The following PCDHGA6 variants were observed in gnomAD, a reference collection of about 807,000 sequenced individuals.
PCDHGA6 encodes protocadherin gamma subfamily A, 6, also known as protocadherin gamma-A6.
A neutral mutation model predicts 60.6 loss-of-function variants in PCDHGA6; 41 were observed. The ratio of observed to expected loss-of-function variants is 0.68; its 90% CI spans 0.53 to 0.88. The LOEUF (loss-of-function observed/expected upper bound fraction) is 0.88, where lower values mean the gene tolerates loss of function less well. Ranked by LOEUF, PCDHGA6 falls within the 40% of genes least tolerant of loss-of-function variation. The pLI, the probability that PCDHGA6 is intolerant of heterozygous loss-of-function variation, is 0.00. For synonymous variants in PCDHGA6, 594 were observed against 524.4 expected, an observed-to-expected ratio of 1.13 and a Z score of -1.81; for missense variants, 1,312 against 1,203.0, an observed-to-expected ratio of 1.09 and a Z score of -1.34.
chr5:141,388,923 T>C (rs374663443), intron 1 of PCDHGA6: 7 of 1,614,002 alleles, frequency 4.3e-6, no homozygotes, highest in East Asian at 2.2e-5. Context: ...AGAAGTGATA[T>C]TCCAGTCTCT....
intron 2 of PCDHGA6, among the ~76,000 whole-genome samples, chr5:141,499,800 C>A (rs2099794584): frequency 6.6e-6 from 1 of 150,704 alleles, no homozygotes; most frequent in Admixed American, 6.7e-5. Context: ...AATTCTCATG[C>A]TTCAGCCTCC....
chr5:141,401,320 C>A (rs1420214369), intron 1 of PCDHGA6, among the ~76,000 whole-genome samples: 1 of 151,626 alleles, frequency 6.6e-6, no homozygotes, highest in East Asian at 1.9e-4. Flanking sequence ...CCAGCCTGGG[C>A]AACAAGAGCA....
At chr5:141,478,020 A>G (rs1315422039) in intron 1 of PCDHGA6, 2 of 1,613,976 alleles carry the variant, frequency 1.2e-6, no homozygotes, top group Non-Finnish European at 1.7e-6. Flanking sequence ...CGTCCAGTCC[A>G]AGACACAGAT....
chr5:141,392,869 T>G, intron 1 of PCDHGA6: 4 of 1,613,228 alleles, frequency 2.5e-6, no homozygotes, highest in Non-Finnish European at 3.4e-6. Flanking sequence ...CTGTGCGCGC[T>G]GCTGGGAACG....
At chr5:141,452,412 T>G (rs1009940351) in intron 1 of PCDHGA6, among the ~76,000 whole-genome samples, 2 of 152,222 alleles carry the variant, frequency 1.3e-5, no homozygotes, top group Non-Finnish European at 2.9e-5. Context: ...GTGTGAGGTA[T>G]GCTCACTGCT....
chr5:141,511,450 C>A lies in PCDHGA6; in HGVS notation c.*277C>A. Reference sequence around the variant, plus strand: ...TGGGGTTACTGTAGACACCAAGAACCATTTGCCACACCCCGTTTAGTTACA... The same window carrying A: ...TGGGGTTACTGTAGACACCAAGAACAATTTGCCACACCCCGTTTAGTTACA... On this transcript the variant is annotated 3_prime_UTR_variant, in exon 4 of 4. Transcript: ENST00000517434. The A allele has an allele frequency of 3.3e-6, 2 of 615,088 alleles. No homozygotes were observed. The highest frequency in any genetic ancestry group is 6.8e-5 in the East Asian group (2 of 29,272). The allele number at this position is 615,088 out of a possible 1,614,324, so 38.1% of individuals were successfully genotyped here.
chr5:141,413,570 A>G, intron 1 of PCDHGA6: 1 of 1,613,930 alleles, frequency 6.2e-7, no homozygotes, highest in Non-Finnish European at 8.5e-7. Context: ...GATATCAATG[A>G]CAATGCTCCA....
At position 141,413,561 on chromosome 5, in the gene PCDHGA6, AT is replaced by A. The variant is rs1363955348; in HGVS notation, c.2424+37055del. The stretch of plus-strand genomic sequence containing the variant: ...TTTGGGATAGAAATAGAAGTAACTG[AT>A]ATCAATGACAATGCTCCAAAATTCC... On this transcript the variant is annotated intron_variant, in intron 1 of 3. Coordinates refer to ENST00000517434, the MANE Select transcript of PCDHGA6 (RefSeq NM_018919.3). The A allele has an allele frequency of 6.2e-6, 10 of 1,613,806 alleles. No individual in the cohort carries two copies. In the Admixed American group the frequency reaches 1.3e-4, roughly 22 times the overall value.
chr5:141,414,778 C>T (rs1346896593), intron 1 of PCDHGA6: 12 of 1,614,202 alleles, frequency 7.4e-6, no homozygotes, highest in Non-Finnish European at 1.0e-5. Context: ...GCTACAGATG[C>T]AGGTGACAGC....
chr5:141,390,158 A>G, intron 1 of PCDHGA6: 1 of 1,614,042 alleles, frequency 6.2e-7, no homozygotes, highest in Non-Finnish European at 8.5e-7. Context: ...CACATACAGG[A>G]AAGACGGAGT....
In PCDHGA6 at chr5:141,409,971, A is replaced by G. The variant is rs758876775; in HGVS notation, c.2424+33464A>G. On this transcript the variant is annotated intron_variant, in intron 1 of 3. Coordinates refer to ENST00000517434, the MANE Select transcript of PCDHGA6 (RefSeq NM_018919.3). ...GCAGAGCCCGGCTACCTAGTGACTAAGGTGGTAGCGGTGGACGCCGACTCG... is the reference window on the plus strand; with the variant it reads ...GCAGAGCCCGGCTACCTAGTGACTAGGGTGGTAGCGGTGGACGCCGACTCG... 2.9e-5 allele frequency: 47 copies of G among 1,613,202 alleles called. No homozygotes were observed. The highest frequency in any genetic ancestry group is 3.8e-5 in the Non-Finnish European group (45 of 1,179,806).
chr5:141,397,407 G>C (rs1383716790), intron 1 of PCDHGA6, among the ~76,000 whole-genome samples: 1 of 152,108 alleles, frequency 6.6e-6, no homozygotes. Context: ...TTACAAAATA[G>C]TTTTAAATAG....
In PCDHGA6 at chr5:141,375,522, A is replaced by C; in HGVS notation, c.1439A>C (p.Asp480Ala). 6.2e-7 allele frequency: 1 copy of C among 1,614,010 alleles called. No individual in the cohort carries two copies. Among genetic ancestry groups the C allele is most frequent in the Non-Finnish European group, 8.5e-7 (1 of 1,179,922 alleles). Residue 480 changes from aspartate to alanine, a missense_variant, in exon 1 of 4, where the codon GAC (aspartate) becomes GCC (alanine). Coordinates refer to ENST00000517434, the MANE Select transcript of PCDHGA6 (RefSeq NM_018919.3). ...TTCTCTGTGAATGCACTGGACCCTGACGTGGACCAGAACGCCCAAGTCTCC... is the reference window on the plus strand; with the variant it reads ...TTCTCTGTGAATGCACTGGACCCTGCCGTGGACCAGAACGCCCAAGTCTCC... ...SIFSVNALDP[D>A]VDQNAQVSYS...
rs201022484 is a variant in PCDHGA6, at chr5:141,376,043, C to T, written c.1960C>T (p.Leu654Phe). The change falls in exon 1 of 4, where the codon CTC becomes TTC. Residue 654 changes from leucine (L) to phenylalanine (F), a missense_variant. Coordinates refer to ENST00000517434, the MANE Select transcript of PCDHGA6 (RefSeq NM_018919.3). ...CGTCCAGGACCACGGCCAGCCCCCTCTCTCCGCCACTGTCACGCTCACCGT... is the reference window on the plus strand; with the variant it reads ...CGTCCAGGACCACGGCCAGCCCCCTTTCTCCGCCACTGTCACGCTCACCGT... Reference protein sequence around the residue: ...VAVQDHGQPPLSATVTLTVAV... With the variant: ...VAVQDHGQPPFSATVTLTVAV... 7.1e-4 allele frequency: 1,140 copies of T among 1,613,172 alleles called. 2 individuals carry two copies. Among genetic ancestry groups the T allele is most frequent in the Non-Finnish European group, 8.8e-4 (1,041 of 1,179,846 alleles).
chr5:141,456,122 C>A (rs1411002229), intron 1 of PCDHGA6, among the ~76,000 whole-genome samples: 1 of 152,176 alleles, frequency 6.6e-6, no homozygotes, highest in East Asian at 1.9e-4. Context: ...TGGTCTCCAT[C>A]TCCTGACCTC....
chr5:141,476,158 G>A lies in PCDHGA6; in HGVS notation c.2425-18649G>A. 2 of 1,612,868 alleles carry A rather than the reference G, an allele frequency of 1.2e-6. No homozygotes were observed. Among genetic ancestry groups the A allele is most frequent in the Non-Finnish European group, 1.7e-6 (2 of 1,179,894 alleles). On this transcript the variant is annotated intron_variant, in intron 1 of 3. Transcript: ENST00000517434. The surrounding 1 kb of genome is among the most constrained non-coding windows in gnomAD (Gnocchi z 7.6). ...GGAGGAGCGGACTGGTAAGCACCGGGAGGGTAGTGGGAGTTTTGCTTCTGC... is the reference window on the plus strand; with the variant it reads ...GGAGGAGCGGACTGGTAAGCACCGGAAGGGTAGTGGGAGTTTTGCTTCTGC...
In PCDHGA6 at chr5:141,512,926, T is replaced by C. The variant is rs1438111849; in HGVS notation, c.*1753T>C. The C allele has an allele frequency of 6.6e-6, 1 of 152,216 alleles. No homozygotes were observed. The highest frequency in any genetic ancestry group is 1.5e-5 in the Non-Finnish European group (1 of 68,048). 9.4% of individuals were successfully genotyped at this position (152,216 alleles called of 1,614,324 possible). A position where few individuals can be genotyped will look rare whatever the true frequency, so the allele number is the denominator to read the frequency against. On this transcript the variant is annotated 3_prime_UTR_variant, in exon 4 of 4. Coordinates refer to ENST00000517434, the MANE Select transcript of PCDHGA6 (RefSeq NM_018919.3). ...CGCAAGTTTTATACTCTAATATTTA[T>C]ATGGCTTTTTTTCTTCGACAAAAAA...
intron 1 of PCDHGA6, chr5:141,389,664 G>A (rs1182835621): frequency 5.0e-6 from 8 of 1,612,210 alleles, no homozygotes; most frequent in Admixed American, 1.7e-5. Context: ...GGCGGTGGAC[G>A]CAGACTCAGG....
At chr5:141,479,056 A>G (rs952560687) in intron 1 of PCDHGA6, among the ~76,000 whole-genome samples, 1 of 152,098 alleles carries the variant, frequency 6.6e-6, no homozygotes, top group Admixed American at 6.5e-5. Context: ...TTCTCAGATA[A>G]TTTTTTATGA....
Sources: gnomAD v4.1 joint callset for allele counts (sites outside exome capture counted in the v4.1 genomes callset) on GRCh38, gnomAD v4.1.1 for gene constraint, Gnocchi (gnomAD v3.1) non-coding constraint, MANE v1.5 for transcripts, NCBI Gene and HGNC (gene_info 2026-07-23, HGNC 2026-07-21) for gene names.